NLRC5: variants seen among roughly 807,000 people sequenced by gnomAD.
The protein encoded by NLRC5 is NLR family CARD domain containing 5.
Under a neutral mutation model 206.9 loss-of-function variants are expected in NLRC5, and 114 were observed. The ratio of observed to expected loss-of-function variants is 0.55; its 90% CI spans 0.47 to 0.64. The LOEUF is 0.64. NLRC5 is among the 30% of genes least tolerant of loss of function. The probability of loss-of-function intolerance (pLI) is 0.00; values close to 1 mark genes in which losing one functional copy is unlikely to be tolerated. For synonymous variants in NLRC5, 952 were observed against 962.8 expected (o/e 0.99, Z 0.21); for missense variants, 2,008 against 2,305.5 (o/e 0.87, Z 2.64).
chr16:57,080,746 C>T (rs2069035406), intron 46 of NLRC5: 3 of 216,724 alleles, frequency 1.4e-5, no homozygotes, highest in Non-Finnish European at 1.9e-5. Context: ...GGATTACAGG[C>T]GTGAGCAACC....
At position 57,015,164 on chromosome 16, in the gene NLRC5, A is replaced by G. The variant is rs185593075; in HGVS notation, c.-127-1910A>G. Among the ~76,000 whole-genome samples, 121 of 152,236 alleles carry G rather than the reference A, an allele frequency of 7.9e-4. 2 individuals carry two copies. The highest frequency in any genetic ancestry group is 2.8e-3 in the African/African-American group (117 of 41,552). On this transcript the variant is annotated intron_variant, in intron 1 of 48. Coordinates refer to ENST00000688547, the MANE Select transcript of NLRC5 (RefSeq NM_001384950.1). ...GACTGGTTTTAGACTCCTGACCTCA[A>G]GTGATCTACCTACCTTGGCCTCCCA...
At chr16:57,046,919 C>A (rs2064056615) in intron 22 of NLRC5, among the ~76,000 whole-genome samples, 1 of 152,190 alleles carries the variant, frequency 6.6e-6, no homozygotes, top group African/African-American at 2.4e-5. Flanking sequence ...CCACTCCCTG[C>A]CTGGGGTCTC....
chr16:57,005,332 C>A (rs1306447025), intron 1 of NLRC5, among the ~76,000 whole-genome samples: 9 of 152,060 alleles, frequency 5.9e-5, no homozygotes, highest in African/African-American at 2.2e-4. Context: ...GCATGTCTTT[C>A]TCATTCTTTG....
chr16:57,069,448 T>C (rs868707124), intron 36 of NLRC5, among the ~76,000 whole-genome samples: 5 of 152,098 alleles, frequency 3.3e-5, no homozygotes, highest in South Asian at 2.1e-4. Context: ...AAAAAATAAA[T>C]AAATAAAATA....
intron 1 of NLRC5, among the ~76,000 whole-genome samples, chr16:57,000,114 G>T (rs2058078381): frequency 6.6e-6 from 1 of 152,152 alleles, no homozygotes; most frequent in African/African-American, 2.4e-5. Context: ...GGCCTCTGGG[G>T]CCCGGGACAC....
chr16:57,047,421 G>A (rs752019147), intron 22 of NLRC5, 124 bp from the exon 23 acceptor site: 6 of 797,892 alleles, frequency 7.5e-6, no homozygotes, highest in African/African-American at 1.7e-5. Context: ...GTGCCCCACA[G>A]GGGAAGGGGC....
chr16:57,057,928 G>A, intron 27 of NLRC5, 137 bp from the exon 28 acceptor site: 1 of 695,676 alleles, frequency 1.4e-6, no homozygotes, highest in Non-Finnish European at 2.6e-6. Flanking sequence ...TGGTGATGGT[G>A]GTGATGGTGG....
chr16:57,077,610 G>C (rs920224370), intron 41 of NLRC5, 109 bp from the exon 42 acceptor site: 2 of 1,132,934 alleles, frequency 1.8e-6, no homozygotes, highest in Admixed American at 2.3e-5. Flanking sequence ...GTGGTGTCGG[G>C]GGGTTGTCTC....
At chr16:57,034,689 A>C in intron 13 of NLRC5, 1 of 156,228 alleles carries the variant, frequency 6.4e-6, no homozygotes, top group Non-Finnish European at 1.4e-5. Flanking sequence ...CTGCCTTCCA[A>C]ACCACAGTCC....
At chr16:57,035,891 C>T (rs78325822) in intron 13 of NLRC5, among the ~76,000 whole-genome samples, 3,311 of 152,246 alleles carry the variant, frequency 0.022, 58 homozygotes, top group South Asian at 0.028. Flanking sequence ...CCCACGTCAT[C>T]GGCACTATGA....
At chr16:57,058,226 CT>C in intron 28 of NLRC5, 78 bp downstream of exon 28, 2 of 1,198,816 alleles carry the variant, frequency 1.7e-6, no homozygotes, top group Middle Eastern at 1.9e-4. Context: ...GGGGCTCCTT[CT>C]GAGGGCATCC....
At chr16:56,995,752 G>A (rs1357207178) in intron 1 of NLRC5, among the ~76,000 whole-genome samples, 1 of 152,222 alleles carries the variant, frequency 6.6e-6, no homozygotes, top group Non-Finnish European at 1.5e-5. Flanking sequence ...TGTTTGAAGA[G>A]AGAAATAGCT....
chr16:57,079,482 G>A lies in NLRC5; in HGVS notation c.5238-64G>A. The A allele has an allele frequency of 4.1e-6, 6 of 1,478,702 alleles. No homozygotes were observed. The South Asian group carries it at 6.8e-5, about 17-fold the overall frequency. The allele number at this position is 1,478,702 out of a possible 1,614,324, so 91.6% of individuals were successfully genotyped here. On this transcript the variant is annotated intron_variant, in intron 45 of 48. Transcript: ENST00000688547. ...CCAGACCCTGGTGGCTCTGGAGGCA[G>A]GACCTGCTAGATCCCCTGACTCAAA...
At chr16:57,062,351 A>G (rs1283253757) in intron 32 of NLRC5, 4 of 331,990 alleles carry the variant, frequency 1.2e-5, no homozygotes, top group Non-Finnish European at 2.3e-5. Flanking sequence ...TGTCCCCCAG[A>G]TAAGACAGCT....
intron 1 of NLRC5, among the ~76,000 whole-genome samples, chr16:56,997,994 G>A (rs1288648765): frequency 6.6e-6 from 1 of 152,074 alleles, no homozygotes; most frequent in Non-Finnish European, 1.5e-5. Flanking sequence ...GGACTTGTCC[G>A]GATGTCAGCC....
chr16:56,998,051 C>T (rs1405297424), intron 1 of NLRC5, among the ~76,000 whole-genome samples: 7 of 152,208 alleles, frequency 4.6e-5, no homozygotes, highest in Middle Eastern at 3.4e-3. Flanking sequence ...AGGCTCTAGC[C>T]GTCTAGCCCC....
In NLRC5 at chr16:57,065,243, G is replaced by A. The variant is rs201210641; in HGVS notation, c.4186G>A (p.Val1396Ile). 1.0e-4 allele frequency: 166 copies of A among 1,584,528 alleles called. No individual in the cohort carries two copies. Among genetic ancestry groups the A allele is most frequent in the Admixed American group, 1.4e-4 (8 of 57,314 alleles). The part of the protein sequence containing the change: ...VQEPWADRAR[V>I]LSLLEVCAQA... ...GGAGCCGTGGGCGGACAGAGCCAGG[G>A]TTCTCTCCCTGTTAGAAGTCTGCGC... The change falls in exon 33 of 49, where the codon GTT (valine) becomes ATT (isoleucine). Residue 1396 changes from valine (V) to isoleucine (I), a missense_variant. Coordinates refer to ENST00000688547, the MANE Select transcript of NLRC5 (RefSeq NM_001384950.1).
chr16:57,051,601 C>T lies in NLRC5; in HGVS notation c.3486C>T (p.Leu1162=). 2 of 1,613,722 alleles carry T rather than the reference C, an allele frequency of 1.2e-6. No homozygotes were observed. Among genetic ancestry groups the T allele is most frequent in the African/African-American group, 1.3e-5 (1 of 75,040 alleles). ...LETLLDCLPQ[L]PQLSLLQLSQ... is the part of the protein sequence containing the mutation. Reference sequence around the variant, plus strand: ...CTCTACTGGACTGCTTACCTCAACTCCCTCAGCTGAGCCTGCTGCAGTAAG... The same window carrying T: ...CTCTACTGGACTGCTTACCTCAACTTCCTCAGCTGAGCCTGCTGCAGTAAG... The change falls in exon 24 of 49, where the codon CTC becomes CTT. Residue 1162 remains leucine (L), a synonymous_variant. Coordinates refer to ENST00000688547, the MANE Select transcript of NLRC5 (RefSeq NM_001384950.1).
At chr16:57,056,610 A>G (rs2065697177) in intron 27 of NLRC5, among the ~76,000 whole-genome samples, 1 of 151,398 alleles carries the variant, frequency 6.6e-6, no homozygotes, top group Admixed American at 6.6e-5. Flanking sequence ...TGAATAAGAA[A>G]TATGTCTTTG....
Sources: gnomAD v4.1 joint callset for allele counts (sites outside exome capture counted in the v4.1 genomes callset) on GRCh38, gnomAD v4.1.1 for gene constraint, MANE v1.5 for transcripts, NCBI Gene and HGNC (gene_info 2026-07-23, HGNC 2026-07-21) for gene names.